The following TAS2R1 variants were observed in gnomAD, a reference collection of about 807,000 sequenced individuals.
TAS2R1 encodes the protein taste 2 receptor member 1.
For synonymous variants in TAS2R1, 141 were observed against 134.2 expected (o/e 1.05, Z -0.35); for missense variants, 370 against 353.4 (o/e 1.05, Z -0.38).
At chr5:9,811,806 G>A in the TAS2R1 span, among the ~76,000 whole-genome samples, 1 of 152,250 alleles carries the variant, frequency 6.6e-6, no homozygotes, top group Non-Finnish European at 1.5e-5. Context: ...ATAGCATGTT[G>A]AAAATTACAG....
the TAS2R1 span, among the ~76,000 whole-genome samples, chr5:9,901,021 T>C: frequency 6.6e-6 from 1 of 152,094 alleles, no homozygotes; most frequent in East Asian, 1.9e-4. Context: ...CACAATACCT[T>C]GGCTCAGATT....
intron 2 of TAS2R1, among the ~76,000 whole-genome samples, chr5:9,650,404 C>A (rs1233423979): frequency 2.0e-5 from 3 of 152,042 alleles, no homozygotes; most frequent in Non-Finnish European, 4.4e-5. Flanking sequence ...TTTCTATACA[C>A]TCCCGGCTAT....
At chr5:9,710,960 AT>A (rs1217119009) in intron 1 of TAS2R1, among the ~76,000 whole-genome samples, 2 of 134,048 alleles carry the variant, frequency 1.5e-5, no homozygotes, top group African/African-American at 2.8e-5. Context: ...ATATAATTAT[AT>A]TTATATATAA....
the TAS2R1 span, among the ~76,000 whole-genome samples, chr5:9,741,271 C>T: frequency 6.6e-6 from 1 of 152,170 alleles, no homozygotes; most frequent in African/African-American, 2.4e-5. Context: ...ATTTAATCCT[C>T]TCATTTGGCT....
chr5:9,750,414 G>T, the TAS2R1 span, among the ~76,000 whole-genome samples: 3 of 152,146 alleles, frequency 2.0e-5, no homozygotes, highest in Non-Finnish European at 4.4e-5. Flanking sequence ...GATTTTAAAT[G>T]ATTTGCTCTG....
chr5:9,679,711 G>C (rs1279020116), intron 1 of TAS2R1, among the ~76,000 whole-genome samples: 1 of 152,190 alleles, frequency 6.6e-6, no homozygotes, highest in Non-Finnish European at 1.5e-5. Flanking sequence ...AATGATATAT[G>C]TGGAAAGGAA....
chr5:9,802,259 C>A, the TAS2R1 span, among the ~76,000 whole-genome samples: 1 of 152,166 alleles, frequency 6.6e-6, no homozygotes, highest in Non-Finnish European at 1.5e-5. Context: ...CAGGACCCTG[C>A]AGATGTTCCC....
At chr5:9,725,260 G>C in the TAS2R1 span, among the ~76,000 whole-genome samples, 3 of 152,372 alleles carry the variant, frequency 2.0e-5, no homozygotes, top group East Asian at 5.8e-4. Context: ...CCCCTTCTGG[G>C]CTGGCCAAGG....
rs35524938 is a variant in TAS2R1, at chr5:9,628,128, T to TTATCTATCTATC, written c.*993_*1004dup. On this transcript the variant is annotated 3_prime_UTR_variant, in exon 1 of 1. Transcript: ENST00000382492. ...ATACAAGTATATCTATCTCCATAAT[T>TTATCTATCTATC]TATCTATCTATCTATCTATCTATCT... Among the ~76,000 whole-genome samples, 401 of 146,596 alleles carry TTATCTATCTATC rather than the reference T, an allele frequency of 2.7e-3. 1 individual carries two copies. The highest frequency in any genetic ancestry group is 3.7e-3 in the East Asian group (18 of 4,920).
the TAS2R1 span, among the ~76,000 whole-genome samples, chr5:9,810,123 A>G: frequency 1.3e-5 from 2 of 152,198 alleles, no homozygotes. Flanking sequence ...GTCTACTTTT[A>G]GCATGTGTGC....
chr5:9,761,967 T>G, the TAS2R1 span, among the ~76,000 whole-genome samples: 1 of 152,188 alleles, frequency 6.6e-6, no homozygotes, highest in Non-Finnish European at 1.5e-5. Context: ...GAAGCTGAGC[T>G]GACTGCCTTT....
Position 9,629,825 on chromosome 5 carries a change from T to C in TAS2R1, c.208A>G (p.Ile70Val). The C allele has an allele frequency of 2.5e-6, 4 of 1,613,786 alleles. No individual in the cohort carries two copies. The highest frequency in any genetic ancestry group is 2.2e-5 in the East Asian group (1 of 44,854). ...LFIFYVNVIVIFFIEFIMCSA... is the reference protein window; with the variant it reads ...LFIFYVNVIVVFFIEFIMCSA... ...CACATGATGAATTCTATGAAGAAGA[T>C]AACAATCACATTAACGTAGAAGATG... is the stretch of plus-strand genomic sequence containing the variant. The change falls in exon 1 of 1, where the codon ATC (isoleucine) becomes GTC (valine). Residue 70 changes from isoleucine to valine, a missense_variant. By Grantham distance (29) the Ile-to-Val change is conservative. Coordinates refer to ENST00000382492, the MANE Select transcript of TAS2R1 (RefSeq NM_019599.3).
At chr5:9,785,546 G>T in the TAS2R1 span, among the ~76,000 whole-genome samples, 1 of 152,168 alleles carries the variant, frequency 6.6e-6, no homozygotes, top group African/African-American at 2.4e-5. Flanking sequence ...CAATAAATAT[G>T]AGTATGTTTG....
At chr5:9,813,354 T>C in the TAS2R1 span, among the ~76,000 whole-genome samples, 1 of 152,232 alleles carries the variant, frequency 6.6e-6, no homozygotes, top group Admixed American at 6.5e-5. Context: ...TCTGGAACTT[T>C]GTTACAGTAG....
the TAS2R1 span, among the ~76,000 whole-genome samples, chr5:9,807,354 G>T: frequency 6.6e-6 from 1 of 152,104 alleles, no homozygotes; most frequent in African/African-American, 2.4e-5. Context: ...ATTCTTCAAA[G>T]AACGAAAAGT....
the TAS2R1 span, among the ~76,000 whole-genome samples, chr5:9,826,566 T>C: frequency 6.6e-6 from 1 of 152,218 alleles, no homozygotes; most frequent in African/African-American, 2.4e-5. Context: ...CCCACTGAAA[T>C]ACATTAATTA....
At chr5:9,824,782 G>A in the TAS2R1 span, among the ~76,000 whole-genome samples, 1 of 148,692 alleles carries the variant, frequency 6.7e-6, no homozygotes, top group South Asian at 2.2e-4. Flanking sequence ...GGGCAGCGGA[G>A]GTTGCAGCGA....
the TAS2R1 span, among the ~76,000 whole-genome samples, chr5:9,738,881 G>T: frequency 5.9e-5 from 9 of 152,050 alleles, no homozygotes; most frequent in Non-Finnish European, 2.9e-5. Flanking sequence ...GTTAAGGCTT[G>T]AATTTAATTT....
the TAS2R1 span, among the ~76,000 whole-genome samples, chr5:9,903,303 A>G: frequency 6.6e-6 from 1 of 152,040 alleles, no homozygotes; most frequent in Admixed American, 6.6e-5. Context: ...ATTTAACATA[A>G]TAATCTCCAG....
Sources: gnomAD v4.1 joint callset for allele counts (sites outside exome capture counted in the v4.1 genomes callset) on GRCh38, gnomAD v4.1.1 for gene constraint, MANE v1.5 for transcripts, NCBI Gene and HGNC (gene_info 2026-07-23, HGNC 2026-07-21) for gene names.